Variants in UGT1A10 observed in about 807,000 individuals in gnomAD.
UGT1A10 encodes the protein UDP glucuronosyltransferase family 1 member A10.
UGT1A10 carries 49 observed loss-of-function variants against 45.8 expected under a neutral mutation model. The ratio of observed to expected loss-of-function variants is 1.07; its 90% confidence interval spans 0.85 to 1.36. UGT1A10 has a LOEUF of 1.36. UGT1A10 is among the 40% of genes most tolerant of loss of function. UGT1A10 has a pLI of 0.00. For missense variants in UGT1A10, 745 were observed against 668.6 expected (o/e 1.11, Z -1.26); for synonymous variants, 284 against 249.7 (o/e 1.14, Z -1.29).
At position 233,769,833 on chromosome 2, in the gene UGT1A10, G is replaced by A. The variant is rs567832844; in HGVS notation, c.1295+1394G>A. The A allele has an allele frequency of 4.3e-4, 293 of 685,174 alleles. No homozygotes were observed. The African/African-American group carries it at 5.2e-3, about 12-fold the overall frequency. The allele number at this position is 685,174 out of a possible 1,614,324, so 42.4% of individuals were successfully genotyped here. On this transcript the variant is annotated intron_variant, in intron 4 of 4. Coordinates refer to ENST00000344644, the MANE Select transcript of UGT1A10 (RefSeq NM_019075.4). The surrounding 1 kb of genome is among the most constrained non-coding windows in gnomAD (Gnocchi z 4.4). ...TCATGCCACTGCACTCCAGCAACCT[G>A]GGCAACAGAGTGAGACCCTGTCTCA...
chr2:233,716,263 C>T (rs188566072), intron 1 of UGT1A10, among the ~76,000 whole-genome samples: 1 of 152,170 alleles, frequency 6.6e-6, no homozygotes, highest in Admixed American at 6.5e-5. Flanking sequence ...CATAATCTCC[C>T]CATGTCAAAA....
At chr2:233,693,979 G>C (rs888825187) in intron 1 of UGT1A10, 14 of 1,559,440 alleles carry the variant, frequency 9.0e-6, no homozygotes, top group Non-Finnish European at 1.2e-5. Flanking sequence ...AGAAACGGTG[G>C]GGGGAAGTGA....
intron 1 of UGT1A10, among the ~76,000 whole-genome samples, chr2:233,699,257 C>T (rs2075494314): frequency 6.6e-6 from 1 of 152,074 alleles, no homozygotes; most frequent in African/African-American, 2.4e-5. Context: ...CTTTCCTCTT[C>T]CTATAGGGGC....
chr2:233,717,412 C>T (rs961485519), intron 1 of UGT1A10, among the ~76,000 whole-genome samples: 22 of 152,222 alleles, frequency 1.4e-4, no homozygotes, highest in African/African-American at 5.3e-4. Context: ...ATATGCCTCC[C>T]TTGAGCTGGG....
intron 1 of UGT1A10, chr2:233,718,981 G>C: frequency 1.9e-6 from 3 of 1,614,238 alleles, no homozygotes; most frequent in Non-Finnish European, 2.5e-6. Flanking sequence ...CTCCATGCCA[G>C]AGGCCACCAG....
At chr2:233,681,525 CAT>C (rs1453831984) in intron 1 of UGT1A10, among the ~76,000 whole-genome samples, 1 of 103,324 alleles carries the variant, frequency 9.7e-6, no homozygotes, top group Non-Finnish European at 1.9e-5. Context: ...AGTGAGACTC[CAT>C]CTCAAAAAAA....
chr2:233,685,727 G>T (rs150254106), intron 1 of UGT1A10, among the ~76,000 whole-genome samples: 13 of 152,194 alleles, frequency 8.5e-5, no homozygotes, highest in African/African-American at 2.9e-4. Context: ...GTACTGCTTC[G>T]TCTTTCTCCA....
rs573640732 is a variant in UGT1A10, at chr2:233,742,006, C to A, written c.856-25028C>A. On this transcript the variant is annotated intron_variant, in intron 1 of 4. Coordinates refer to ENST00000344644, the MANE Select transcript of UGT1A10 (RefSeq NM_019075.4). The stretch of plus-strand genomic sequence containing the variant: ...CAAAAAATATTACAGATACACTTGG[C>A]TTTCATCAACCTAATTTGATATGTC... 5 of 152,014 alleles carry A rather than the reference C, an allele frequency of 3.3e-5. No individual in the cohort carries two copies. The South Asian group carries it at 8.3e-4, about 25-fold the overall frequency. 9.4% of individuals were successfully genotyped at this position (152,014 alleles called of 1,614,324 possible).
At chr2:233,699,828 A>C (rs1331199785) in intron 1 of UGT1A10, among the ~76,000 whole-genome samples, 1 of 152,230 alleles carries the variant, frequency 6.6e-6, no homozygotes, top group Non-Finnish European at 1.5e-5. Context: ...GTTCTCAAAT[A>C]GAACTAATTT....
At chr2:233,724,932 T>A (rs1473409991) in intron 1 of UGT1A10, among the ~76,000 whole-genome samples, 3 of 142,946 alleles carry the variant, frequency 2.1e-5, no homozygotes, top group African/African-American at 8.1e-5. Flanking sequence ...TGAACGAGAC[T>A]CCGTCTGCAA....
Position 233,653,043 on chromosome 2 carries a change from A to T in UGT1A10, c.855+15666A>T, listed in dbSNP as rs578123386. ...AGTGAACCCACATGGCCTCTCTAAG[A>T]TGTGCAAGTAAACATGTACGTGCCT... On this transcript the variant is annotated intron_variant, in intron 1 of 4. Coordinates refer to ENST00000344644, the MANE Select transcript of UGT1A10 (RefSeq NM_019075.4). Among the ~76,000 whole-genome samples, 6 of 152,342 alleles carry T rather than the reference A, an allele frequency of 3.9e-5. No individual in the cohort carries two copies. The East Asian group carries it at 1.2e-3, about 29-fold the overall frequency.
At chr2:233,726,313 G>T (rs2077524359) in intron 1 of UGT1A10, among the ~76,000 whole-genome samples, 2 of 152,198 alleles carry the variant, frequency 1.3e-5, no homozygotes, top group Non-Finnish European at 2.9e-5. Context: ...GGATCATTGA[G>T]CTCAGGAGTT....
Position 233,637,234 on chromosome 2 carries a change from C to G in UGT1A10, c.712C>G (p.Pro238Ala). 6.2e-7 allele frequency: 1 copy of G among 1,613,928 alleles called. No homozygotes were observed. The highest frequency in any genetic ancestry group is 8.5e-7 in the Non-Finnish European group (1 of 1,179,856). The change falls in exon 1 of 5, where the codon CCT becomes GCT. Residue 238 changes from proline (P) to alanine (A), a missense_variant. Physicochemically the swap from Pro to Ala is conservative, Grantham distance 27. Transcript: ENST00000344644. ...AATAGCCTCTGAAATTCTCCAAACC[C>G]CTGTCACGGCATATGATCTCTACAG... The part of the protein sequence containing the change: ...LEIASEILQT[P>A]VTAYDLYSHT...
At chr2:233,706,301 T>C (rs746446556) in intron 1 of UGT1A10, among the ~76,000 whole-genome samples, 9 of 152,168 alleles carry the variant, frequency 5.9e-5, no homozygotes, top group Non-Finnish European at 1.2e-4. Context: ...CCAGGTACTA[T>C]GTAGATAGTG....
chr2:233,705,123 C>T (rs1488231635), intron 1 of UGT1A10, among the ~76,000 whole-genome samples: 3 of 130,446 alleles, frequency 2.3e-5, no homozygotes, highest in Non-Finnish European at 3.1e-5. Flanking sequence ...GGGACAAGAG[C>T]GAGACTTCGT....
At chr2:233,756,312 ATCC>A (rs1696175479) in intron 1 of UGT1A10, 1 of 152,140 alleles carries the variant, frequency 6.6e-6, no homozygotes, top group Admixed American at 6.5e-5. Flanking sequence ...ACCTACCCAT[ATCC>A]TCCTTTAAAC....
Position 233,701,134 on chromosome 2 carries a change from G to C in UGT1A10, c.855+63757G>C, listed in dbSNP as rs906928223. 1.2e-4 allele frequency among the ~76,000 whole-genome samples: 19 copies of C among 152,132 alleles called. 1 individual carries two copies. The highest frequency in any genetic ancestry group is 4.6e-4 in the African/African-American group (19 of 41,418). On this transcript the variant is annotated intron_variant, in intron 1 of 4. Coordinates refer to ENST00000344644, the MANE Select transcript of UGT1A10 (RefSeq NM_019075.4). ...CAGTCTATCATTGAGGGACATTTAG[G>C]TTGGTTCCAAGTCTTTGCTATTGTG...
Position 233,703,068 on chromosome 2 carries a change from T to C in UGT1A10, c.856-63966T>C, listed in dbSNP as rs370825305. 7.9e-5 allele frequency among the ~76,000 whole-genome samples: 12 copies of C among 152,368 alleles called. No homozygotes were observed. In the East Asian group the frequency reaches 1.5e-3, roughly 20 times the overall value. On this transcript the variant is annotated intron_variant, in intron 1 of 4. Transcript: ENST00000344644. ...TTGATAGAATTCACTAGTGAAGCTG[T>C]CTGGGCCTAGGCTTTTCTTGCAGGA...
intron 1 of UGT1A10, among the ~76,000 whole-genome samples, chr2:233,750,063 C>T (rs556183809): frequency 6.6e-6 from 1 of 151,926 alleles, no homozygotes; most frequent in South Asian, 2.1e-4. Flanking sequence ...GACTTTGGAA[C>T]TGGGTAACAG....
Sources: gnomAD v4.1 joint callset for allele counts (sites outside exome capture counted in the v4.1 genomes callset) on GRCh38, gnomAD v4.1.1 for gene constraint, Gnocchi (gnomAD v3.1) non-coding constraint, MANE v1.5 for transcripts, NCBI Gene and HGNC (gene_info 2026-07-23, HGNC 2026-07-21) for gene names.